The following PDCD11 variants were observed in gnomAD, a reference collection of about 807,000 sequenced individuals.
PDCD11 encodes the protein programmed cell death 11.
A neutral mutation model predicts 198.9 loss-of-function variants in PDCD11; 97 were observed. That is an observed-to-expected ratio of 0.49 (90% confidence interval 0.41 to 0.58). PDCD11 has a LOEUF of 0.58. Among genes scored for constraint, PDCD11 ranks in the 20% least tolerant of loss-of-function variants. PDCD11 has a pLI of 0.00. For missense variants in PDCD11, 2,102 were observed against 2,312.7 expected (o/e 0.91, Z 1.87); for synonymous variants, 893 against 918.0 (o/e 0.97, Z 0.49).
chr10:103,444,594 A>C lies in PDCD11; in HGVS notation c.5356A>C (p.Asn1786His), dbSNP rs2032520310. The change falls in exon 35 of 36, where the codon AAC becomes CAC. Residue 1786 changes from asparagine to histidine, a missense_variant. Coordinates refer to ENST00000369797, the MANE Select transcript of PDCD11 (RefSeq NM_014976.2). Reference sequence around the variant, plus strand: ...AGAGCGGGCCAAAGCCATTTTTGAGAACACGCTGAGCACCTACCCAAAGCG... The same window carrying C: ...AGAGCGGGCCAAAGCCATTTTTGAGCACACGCTGAGCACCTACCCAAAGCG... ...DAERAKAIFE[N>H]TLSTYPKRTD... is the part of the protein sequence containing the mutation. The C allele has an allele frequency of 1.2e-6, 2 of 1,614,044 alleles. No individual in the cohort carries two copies. The highest frequency in any genetic ancestry group is 1.6e-4 in the Middle Eastern group (1 of 6,066).
chr10:103,441,845 C>T lies in PDCD11; in HGVS notation c.4577C>T (p.Ala1526Val). 2 of 1,614,116 alleles carry T rather than the reference C, an allele frequency of 1.2e-6. No homozygotes were observed. Among genetic ancestry groups the T allele is most frequent in the Non-Finnish European group, 1.7e-6 (2 of 1,179,990 alleles). ...CTCCAGGAGAAGCAAACCAAGCCAG[C>T]AGAAGCGCCCCGGCTGCAGCTGTCT... ...VLPKEKQTKP[A>V]EAPRLQLSSG... Residue 1526 changes from alanine (A) to valine (V), a missense_variant, in exon 31 of 36, where the codon GCA (alanine) becomes GTA (valine). Transcript: ENST00000369797.
chr10:103,422,272 G>A (rs1042296683), intron 17 of PDCD11, among the ~76,000 whole-genome samples: 3 of 151,512 alleles, frequency 2.0e-5, no homozygotes, highest in African/African-American at 7.3e-5. Flanking sequence ...GAGAAGACAG[G>A]GTTTCGCCAT....
chr10:103,433,976 T>A lies in PDCD11; in HGVS notation c.3503T>A (p.Val1168Glu), dbSNP rs1592137353. The A allele has an allele frequency of 1.9e-6, 3 of 1,613,424 alleles. No homozygotes were observed. The highest frequency in any genetic ancestry group is 3.3e-5 in the Admixed American group (2 of 59,976). The change falls in exon 23 of 36, where the codon GTG (valine) becomes GAG (glutamate). Residue 1168 changes from valine to glutamate, a missense_variant. Coordinates refer to ENST00000369797, the MANE Select transcript of PDCD11 (RefSeq NM_014976.2). ...AATGTGGTGAAGAAATGGCTTGAGG[T>A]GGAGATTGCCCCAGACATCCGGGGG... ...KYNVVKKWLE[V>E]EIAPDIRGRI...
intron 2 of PDCD11, 27 bp downstream of exon 2, chr10:103,398,555 C>T: frequency 7.0e-7 from 1 of 1,420,920 alleles, no homozygotes. Flanking sequence ...TTTGGTGACA[C>T]TCACTGGAAA....
At chr10:103,436,135 CTG>C (rs1265766972) in intron 25 of PDCD11, among the ~76,000 whole-genome samples, 1 of 151,358 alleles carries the variant, frequency 6.6e-6, no homozygotes, top group African/African-American at 2.4e-5. Flanking sequence ...GAGTCTTGCT[CTG>C]TCACCCAGGC....
chr10:103,429,090 C>A (rs2031817925), intron 21 of PDCD11, among the ~76,000 whole-genome samples: 1 of 152,088 alleles, frequency 6.6e-6, no homozygotes, highest in Admixed American at 6.5e-5. Flanking sequence ...TATTTTTATT[C>A]CTCATTTCGT....
intron 21 of PDCD11, among the ~76,000 whole-genome samples, chr10:103,428,388 A>C (rs1054588068): frequency 2.0e-5 from 3 of 152,024 alleles, no homozygotes; most frequent in Non-Finnish European, 4.4e-5. Flanking sequence ...CTTCAAAGTA[A>C]GCCCTAAACT....
rs1220535653 is a variant in PDCD11, at chr10:103,405,979, C to T, written c.565-6C>T. The T allele has an allele frequency of 6.2e-7, 1 of 1,613,286 alleles. No homozygotes were observed. Among genetic ancestry groups the T allele is most frequent in the Non-Finnish European group, 8.5e-7 (1 of 1,179,438 alleles). On this transcript the variant is annotated splice_region_variant and splice_polypyrimidine_tract_variant and intron_variant, in intron 5 of 35. Transcript: ENST00000369797. ...GGAACTTCTGGGACTACTTTCTCTT[C>T]CCCAGCTACTTACAGGTACCGTATC...
Position 103,416,606 on chromosome 10 carries a change from C to G in PDCD11, c.1634C>G (p.Thr545Arg), listed in dbSNP as rs1349785903. ...GCCGATGCCAAGCCTGGTCTGCAGA[C>G]ACATGGCTTCATCATCAGGGTCAAG... is the stretch of plus-strand genomic sequence containing the variant. ...CYADAKPGLQ[T>R]HGFIIRVKDY... is the part of the protein sequence containing the mutation. The change falls in exon 13 of 36, where the codon ACA becomes AGA. Residue 545 changes from threonine (T) to arginine (R), a missense_variant. Physicochemically the swap from Thr to Arg is moderately conservative, Grantham distance 71. Transcript: ENST00000369797. 3.1e-6 allele frequency: 5 copies of G among 1,614,092 alleles called. No homozygotes were observed. Among genetic ancestry groups the G allele is most frequent in the Non-Finnish European group, 4.2e-6 (5 of 1,180,042 alleles).
intron 19 of PDCD11, 150 bp from the exon 20 acceptor site, chr10:103,424,834 A>T: frequency 2.7e-6 from 2 of 746,532 alleles, no homozygotes; most frequent in South Asian, 3.7e-5. Flanking sequence ...CAGGGAGTGA[A>T]GGCTAGTCTG....
chr10:103,426,473 A>T (rs2031697866), intron 20 of PDCD11, among the ~76,000 whole-genome samples: 1 of 152,154 alleles, frequency 6.6e-6, no homozygotes, highest in South Asian at 2.1e-4. Flanking sequence ...TGTAAGGAAA[A>T]TTGTTTTCAG....
intron 22 of PDCD11, among the ~76,000 whole-genome samples, chr10:103,433,261 G>A (rs1415814103): frequency 3.3e-5 from 5 of 152,138 alleles, no homozygotes; most frequent in African/African-American, 4.8e-5. Context: ...TTGGGAGGCC[G>A]AGGTGGGCAG....
Position 103,423,013 on chromosome 10 carries a change from C to T in PDCD11, c.2523C>T (p.Ala841=), listed in dbSNP as rs148098152. 4.0e-4 allele frequency: 632 copies of T among 1,580,810 alleles called. 2 individuals are homozygous for T. The highest frequency in any genetic ancestry group is 2.2e-3 in the African/African-American group (163 of 73,512). Residue 841 remains alanine, a synonymous_variant, in exon 18 of 36, where the codon GCC becomes GCT. Transcript: ENST00000369797. ...ACTCTGTGTTGATCCAGACGCTGGC[C>T]GAGATGACCCCAGGAATGTTCCTTG... is the stretch of plus-strand genomic sequence containing the variant. The part of the protein sequence containing the change: ...NRDSVLIQTL[A]EMTPGMFLDL...
chr10:103,421,668 G>GA (rs1248473350), intron 17 of PDCD11, 101 bp downstream of exon 17: 743 of 1,025,542 alleles, frequency 7.2e-4, no homozygotes, highest in Non-Finnish European at 8.7e-4. Context: ...CAGAACATAA[G>GA]AAAAAAAAAT....
chr10:103,410,596 CTTTTCTTTTTT>C (rs2030737950), intron 8 of PDCD11, among the ~76,000 whole-genome samples: 1 of 141,556 alleles, frequency 7.1e-6, no homozygotes, highest in Non-Finnish European at 1.5e-5. Flanking sequence ...TTTTTCTTTT[CTTTTCTTTTTT>C]TTTTTTTTCT....
chr10:103,417,669 C>T (rs2031184378), intron 13 of PDCD11, 123 bp from the exon 14 acceptor site: 2 of 1,020,250 alleles, frequency 2.0e-6, no homozygotes, highest in African/African-American at 3.2e-5. Context: ...TTCACTGCCT[C>T]CTGATCTGAT....
intron 21 of PDCD11, among the ~76,000 whole-genome samples, chr10:103,430,216 C>T (rs2031870773): frequency 6.6e-6 from 1 of 152,158 alleles, no homozygotes; most frequent in South Asian, 2.1e-4. Context: ...TGGTCTCAAA[C>T]TTCTGAGCTC....
chr10:103,441,753 A>G (rs1211693314), intron 30 of PDCD11, 73 bp from the exon 31 acceptor site: 1 of 1,423,174 alleles, frequency 7.0e-7, no homozygotes, highest in East Asian at 2.3e-5. Context: ...ATGCTCCTCC[A>G]GGTGGGCTGG....
chr10:103,440,939 C>G (rs531039140), intron 30 of PDCD11, 89 bp downstream of exon 30: 3 of 922,766 alleles, frequency 3.3e-6, no homozygotes, highest in Admixed American at 2.7e-5. Flanking sequence ...TACTTCATTT[C>G]CTATAAAATA....
Sources: gnomAD v4.1 joint callset for allele counts (sites outside exome capture counted in the v4.1 genomes callset) on GRCh38, gnomAD v4.1.1 for gene constraint, MANE v1.5 for transcripts, NCBI Gene and HGNC (gene_info 2026-07-23, HGNC 2026-07-21) for gene names.